Variants in MED25 observed in about 807,000 individuals in gnomAD.
MED25 encodes the protein mediator of RNA polymerase II transcription subunit 25.
MED25 carries 62 observed loss-of-function variants against 89.4 expected under a neutral mutation model. The observed-to-expected ratio is 0.69, with a 90% confidence interval of 0.57 to 0.86. The LOEUF is 0.86. Ranked by LOEUF, MED25 falls within the 40% of genes least tolerant of loss-of-function variation. The pLI is 0.00. For missense variants in MED25, 905 were observed against 1,005.2 expected (o/e 0.90, Z 1.35); for synonymous variants, 449 against 427.9 (o/e 1.05, Z -0.61).
At chr19:49,819,705 C>T (rs1054254617) in intron 3 of MED25, 3 of 338,860 alleles carry the variant, frequency 8.9e-6, no homozygotes, top group Non-Finnish European at 1.7e-5. Context: ...GTGATTGTCC[C>T]CTTTCTGTCC....
intron 3 of MED25, among the ~76,000 whole-genome samples, chr19:49,822,312 G>T (rs1024287494): frequency 1.2e-5 from 1 of 85,012 alleles, no homozygotes; most frequent in South Asian, 3.7e-4. Flanking sequence ...AGGTGTGGTG[G>T]CATGTGCCTT....
intron 3 of MED25, among the ~76,000 whole-genome samples, chr19:49,822,013 C>T (rs1236188444): frequency 6.6e-6 from 1 of 151,414 alleles, no homozygotes; most frequent in East Asian, 1.9e-4. Context: ...CCTGTAATCC[C>T]AGCACTTTGG....
rs2074049374 is a variant in MED25, at chr19:49,830,709, CT to C, written c.924del (p.Leu309SerfsTer68). The C allele has an allele frequency of 6.2e-7, 1 of 1,614,078 alleles. No homozygotes were observed. The highest frequency in any genetic ancestry group is 8.5e-7 in the Non-Finnish European group (1 of 1,179,978). On this transcript the variant is annotated frameshift_variant, in exon 9 of 18. Coordinates refer to ENST00000312865, the MANE Select transcript of MED25 (RefSeq NM_030973.4). LOFTEE classifies it high-confidence loss of function. The surrounding 1 kb of genome is among the most constrained non-coding windows in gnomAD (Gnocchi z 4.6). ...TCTCCCACAGTCTCGCCCATCACCC[CT>C]CTCCAACAAGCTGCTCCCGGAGTGG... Reference protein sequence around the residue: ...GLGPRFSPITPLQQAAPGVGP... With the variant: ...GLGPRFSPITXLQQAAPGVGP...
chr19:49,818,724 G>C lies in MED25; in HGVS notation c.180+108G>C, dbSNP rs1674132. 0.54 allele frequency: 585,471 copies of C among 1,079,238 alleles called. 161,545 individuals are homozygous for C. The highest frequency in any genetic ancestry group is 0.61 in the Admixed American group (33,904 of 55,690). The allele number at this position is 1,079,238 out of a possible 1,614,324, so 66.9% of individuals were successfully genotyped here. A position where few individuals can be genotyped will look rare whatever the true frequency, so the allele number is the denominator to read the frequency against. On this transcript the variant is annotated intron_variant, in intron 2 of 17. Transcript: ENST00000312865. Reference sequence around the variant, plus strand: ...GCCTGGACTCCTGAGTTTGAGGGAGGAGGGGCTGGGGGTCTGGACTCCTTG... The same window carrying C: ...GCCTGGACTCCTGAGTTTGAGGGAGCAGGGGCTGGGGGTCTGGACTCCTTG...
At position 49,836,764 on chromosome 19, in the gene MED25, T is replaced by A; in HGVS notation, c.2147-83T>A. ...TGCTTCTGTTGGGTCCCCCAAGGGC[T>A]GCCTAGAAAACTTAGTGCCTCTGGG... On this transcript the variant is annotated intron_variant, in intron 17 of 17. Transcript: ENST00000312865. This position sits in a 1 kb window ranked among gnomAD's most constrained non-coding sequence, Gnocchi z 5.1. 2 of 1,027,832 alleles carry A rather than the reference T, an allele frequency of 1.9e-6. No individual in the cohort carries two copies. The highest frequency in any genetic ancestry group is 3.0e-6 in the Non-Finnish European group (2 of 664,376). 63.7% of individuals were successfully genotyped at this position (1,027,832 alleles called of 1,614,324 possible).
Position 49,834,677 on chromosome 19 carries a change from G to A in MED25, c.1483-309G>A, listed in dbSNP as rs2074082862. 1.1e-5 allele frequency: 5 copies of A among 444,120 alleles called. No homozygotes were observed. Among genetic ancestry groups the A allele is most frequent in the Admixed American group, 6.8e-5 (2 of 29,300 alleles). The allele number at this position is 444,120 out of a possible 1,614,324, so 27.5% of individuals were successfully genotyped here. A position where few individuals can be genotyped will look rare whatever the true frequency, so the allele number is the denominator to read the frequency against. On this transcript the variant is annotated intron_variant, in intron 13 of 17. Coordinates refer to ENST00000312865, the MANE Select transcript of MED25 (RefSeq NM_030973.4). This position sits in a 1 kb window ranked among gnomAD's most constrained non-coding sequence, Gnocchi z 4.1. ...CCCTCAGCCGCCCTCTGAGGAGGCC[G>A]CCGTGGCATTTTATGCCCAAGAAAC...
At chr19:49,825,831 C>CA (rs923064334) in intron 3 of MED25, among the ~76,000 whole-genome samples, 11 of 147,578 alleles carry the variant, frequency 7.5e-5, no homozygotes, top group South Asian at 4.3e-4. Context: ...AACTCCATCT[C>CA]AAAAAAAAAA....
In MED25 at chr19:49,835,980, A is replaced by AT; in HGVS notation, c.1965+36dup. ...TGGGGTGGGGTAGCGAGAGTTCCAG[A>AT]TCCTGGCCCTGGTGGTTCTGGTCCT... On this transcript the variant is annotated intron_variant, in intron 16 of 17. Coordinates refer to ENST00000312865, the MANE Select transcript of MED25 (RefSeq NM_030973.4). The surrounding 1 kb of genome is among the most constrained non-coding windows in gnomAD (Gnocchi z 6.2). The AT allele has an allele frequency of 6.2e-7, 1 of 1,610,326 alleles. No individual in the cohort carries two copies. Among genetic ancestry groups the AT allele is most frequent in the Non-Finnish European group, 8.5e-7 (1 of 1,179,104 alleles).
rs1030696258 is a variant in MED25 at position 49,836,232 on chromosome 19, A to C, written c.1972A>C (p.Thr658Pro). Residue 658 changes from threonine (T) to proline (P), a missense_variant, in exon 17 of 18, where the codon ACT (threonine) becomes CCT (proline). Thr to Pro is a conservative substitution (Grantham distance 38). Around this residue, in one of 3 missense-constraint regions of MED25, gnomAD observed 271 missense variants for 258.1 expected, o/e 1.05. Coordinates refer to ENST00000312865, the MANE Select transcript of MED25 (RefSeq NM_030973.4). The surrounding 1 kb of genome is among the most constrained non-coding windows in gnomAD (Gnocchi z 5.1). ...ACTCTCTGTGTTCTCCCAGCCGCAG[A>C]CTGGGGTGCCCCCACCCCAGGCCTC... The part of the protein sequence containing the change: ...SLLLNPPPPQ[T>P]GVPPPQASLH... 3 of 1,611,918 alleles carry C rather than the reference A, an allele frequency of 1.9e-6. No homozygotes were observed. The highest frequency in any genetic ancestry group is 1.7e-6 in the Non-Finnish European group (2 of 1,179,636).
intron 4 of MED25, 78 bp from the exon 5 acceptor site, chr19:49,828,892 C>T: frequency 6.3e-7 from 1 of 1,597,942 alleles, no homozygotes; most frequent in Admixed American, 1.7e-5. Flanking sequence ...ATATGTGCAT[C>T]TCCGCTGGTG....
Position 49,830,314 on chromosome 19 carries a change from G to A in MED25, c.819+96G>A. 1 of 1,328,042 alleles carries A rather than the reference G, an allele frequency of 7.5e-7. No homozygotes were observed. Among genetic ancestry groups the A allele is most frequent in the Non-Finnish European group, 1.1e-6 (1 of 946,670 alleles). 82.3% of individuals were successfully genotyped at this position (1,328,042 alleles called of 1,614,324 possible). A position where few individuals can be genotyped will look rare whatever the true frequency, so the allele number is the denominator to read the frequency against. On this transcript the variant is annotated intron_variant, in intron 7 of 17. Transcript: ENST00000312865. The surrounding 1 kb of genome is among the most constrained non-coding windows in gnomAD (Gnocchi z 4.6). ...AGTTGCATGTTGGAGCTTGTGGGAT[G>A]ATGGGAGTCCCATGGGACATTGGGA...
At chr19:49,825,430 G>A (rs2074009550) in intron 3 of MED25, among the ~76,000 whole-genome samples, 1 of 151,818 alleles carries the variant, frequency 6.6e-6, no homozygotes, top group Non-Finnish European at 1.5e-5. Context: ...TGTATTTTTA[G>A]TAGAGATAGG....
intron 3 of MED25, among the ~76,000 whole-genome samples, chr19:49,826,505 G>A (rs2123873099): frequency 6.6e-6 from 1 of 152,264 alleles, no homozygotes; most frequent in South Asian, 2.1e-4. Context: ...GAGAACTCAG[G>A]CAGGAAGCGG....
At chr19:49,819,023 G>T (rs975898137) in intron 2 of MED25, 149 bp from the exon 3 acceptor site, 4 of 1,001,616 alleles carry the variant, frequency 4.0e-6, no homozygotes, top group Non-Finnish European at 6.0e-6. Flanking sequence ...GGGAGAAGGG[G>T]CTGGGGCCGA....
chr19:49,832,095 C>T lies in MED25; in HGVS notation c.1317-5C>T. The T allele has an allele frequency of 6.2e-7, 1 of 1,613,726 alleles. No individual in the cohort carries two copies. Among genetic ancestry groups the T allele is most frequent in the Non-Finnish European group, 8.5e-7 (1 of 1,179,980 alleles). Reference sequence around the variant, plus strand: ...TCCTCACACCTCTCCTGGCATCGCCCCCAGGAAGACGGAGCAGTGGCCCCA... The same window carrying T: ...TCCTCACACCTCTCCTGGCATCGCCTCCAGGAAGACGGAGCAGTGGCCCCA... On this transcript the variant is annotated splice_polypyrimidine_tract_variant and splice_region_variant and intron_variant, in intron 11 of 17. Coordinates refer to ENST00000312865, the MANE Select transcript of MED25 (RefSeq NM_030973.4).
In MED25 at chr19:49,830,943, G is replaced by C. The variant is rs2074052374; in HGVS notation, c.1101+56G>C. The C allele has an allele frequency of 6.5e-7, 1 of 1,532,052 alleles. No individual in the cohort carries two copies. The allele number at this position is 1,532,052 out of a possible 1,614,324, so 94.9% of individuals were successfully genotyped here. A position where few individuals can be genotyped will look rare whatever the true frequency, so the allele number is the denominator to read the frequency against. Reference sequence around the variant, plus strand: ...CCTTCCTCCTGCTGTCCACAGCTAGGACAGTTAGAGGATGAGTCATTTGCC... The same window carrying C: ...CCTTCCTCCTGCTGTCCACAGCTAGCACAGTTAGAGGATGAGTCATTTGCC... On this transcript the variant is annotated intron_variant, in intron 9 of 17. Coordinates refer to ENST00000312865, the MANE Select transcript of MED25 (RefSeq NM_030973.4). The surrounding 1 kb of genome is among the most constrained non-coding windows in gnomAD (Gnocchi z 4.6).
chr19:49,821,990 G>A (rs533990913), intron 3 of MED25, among the ~76,000 whole-genome samples: 2 of 150,624 alleles, frequency 1.3e-5, no homozygotes, highest in Non-Finnish European at 3.0e-5. Context: ...TTGGGCAGGC[G>A]TGGTGGCTCA....
At position 49,836,402 on chromosome 19, in the gene MED25, G is replaced by A; in HGVS notation, c.2142G>A (p.Leu714=). The A allele has an allele frequency of 6.3e-7, 1 of 1,591,230 alleles. No homozygotes were observed. The part of the protein sequence containing the change: ...WPAQLPPRAP[L]PGQMLLSGGP... ...CACAACTTCCCCCTCGGGCTCCACT[G>A]CCAGGTAAGGGGACCCGGGGGAGGG... The change falls in exon 17 of 18, where the codon CTG becomes CTA. Residue 714 remains leucine (L), a synonymous_variant. Transcript: ENST00000312865. The surrounding 1 kb of genome is among the most constrained non-coding windows in gnomAD (Gnocchi z 5.1).
intron 3 of MED25, among the ~76,000 whole-genome samples, chr19:49,826,895 C>T (rs1162899241): frequency 2.6e-5 from 4 of 151,966 alleles, no homozygotes; most frequent in African/African-American, 4.8e-5. Flanking sequence ...GTGCAGGACT[C>T]GGAGGCCTCG....
Sources: allele counts gnomAD v4.1 joint callset (sites outside exome capture counted in the v4.1 genomes callset), GRCh38; gene constraint gnomAD v4.1.1; regional missense constraint gnomAD v4.1.1; non-coding constraint Gnocchi (gnomAD v3.1); transcripts MANE v1.5; gene names NCBI Gene and HGNC (gene_info 2026-07-23, HGNC 2026-07-21).